SLC5A11: variants seen among roughly 807,000 people sequenced by gnomAD.
SLC5A11 encodes the protein solute carrier family 5 member 11.
A neutral mutation model predicts 69.8 loss-of-function variants in SLC5A11; 48 were observed. The ratio of observed to expected loss-of-function variants is 0.69; its 90% CI spans 0.55 to 0.87. The LOEUF (loss-of-function observed/expected upper bound fraction) is 0.87, where lower values mean the gene tolerates loss of function less well. Among genes scored for constraint, SLC5A11 ranks in the 40% least tolerant of loss-of-function variants. The pLI is 0.00. For missense variants in SLC5A11, 784 were observed against 866.1 expected (o/e 0.91, Z 1.19); for synonymous variants, 319 against 342.4 (o/e 0.93, Z 0.75).
intron 1 of SLC5A11, among the ~76,000 whole-genome samples, chr16:24,851,866 C>T (rs551069844): frequency 3.7e-4 from 57 of 152,240 alleles, no homozygotes; most frequent in African/African-American, 1.3e-3. Context: ...TTACACTTTA[C>T]GCTTTATCAC....
Position 24,884,090 on chromosome 16 carries a change from C to T in SLC5A11, c.623C>T (p.Thr208Met), listed in dbSNP as rs138777129. 9.1e-5 allele frequency: 147 copies of T among 1,614,094 alleles called. No homozygotes were observed. Among genetic ancestry groups the T allele is most frequent in the East Asian group, 6.7e-4 (30 of 44,874 alleles). Residue 208 changes from threonine (T) to methionine (M), a missense_variant, in exon 8 of 16, where the codon ACG (threonine) becomes ATG (methionine). Physicochemically the swap from Thr to Met is moderately conservative, Grantham distance 81 (BLOSUM62 -1). Coordinates refer to ENST00000347898, the Ensembl canonical transcript of SLC5A11. ...GTGATCTACACGGATGCCCTGCAGA[C>T]GCTGATCATGCTTATAGGAGCGCTC...
At chr16:24,858,820 A>G in intron 2 of SLC5A11, 42 bp downstream of exon 3, 1 of 1,592,828 alleles carries the variant, frequency 6.3e-7, no homozygotes, top group Non-Finnish European at 8.6e-7. Flanking sequence ...AGAGAGAAGG[A>G]AATGTCTGTT....
intron 2 of SLC5A11, among the ~76,000 whole-genome samples, chr16:24,860,351 G>A (rs2059713684): frequency 6.6e-6 from 1 of 152,116 alleles, no homozygotes; most frequent in Admixed American, 6.6e-5. Context: ...AGCTACTCAG[G>A]AGGCTAAGCC....
At chr16:24,901,181 T>C (rs1283633440) in intron 10 of SLC5A11, among the ~76,000 whole-genome samples, 1 of 152,226 alleles carries the variant, frequency 6.6e-6, no homozygotes, top group African/African-American at 2.4e-5. Context: ...AAGCAGCTCC[T>C]GGCACACAGT....
intron 1 of SLC5A11, among the ~76,000 whole-genome samples, chr16:24,854,360 T>A (rs1363896645): frequency 2.0e-5 from 3 of 152,120 alleles, no homozygotes; most frequent in African/African-American, 7.2e-5. Context: ...CCCAGCTTTG[T>A]CACTTGTCAG....
intron 1 of SLC5A11, among the ~76,000 whole-genome samples, chr16:24,849,339 G>A (rs531867170): frequency 8.6e-5 from 13 of 151,748 alleles, no homozygotes; most frequent in African/African-American, 1.7e-4. Flanking sequence ...AGGCCGAGGC[G>A]GGTGGATCAC....
At chr16:24,905,634 G>GCA (rs1188151929) in intron 10 of SLC5A11, among the ~76,000 whole-genome samples, 11 of 76,912 alleles carry the variant, frequency 1.4e-4, no homozygotes, top group African/African-American at 4.1e-4. Flanking sequence ...AAACACGCGC[G>GCA]CGCGCGCACA....
intron 8 of SLC5A11, among the ~76,000 whole-genome samples, chr16:24,884,345 T>C (rs925210550): frequency 6.6e-6 from 1 of 152,106 alleles, no homozygotes; most frequent in Admixed American, 6.6e-5. Flanking sequence ...TTGTTTTTTG[T>C]TCTGAGGCAG....
At chr16:24,904,599 G>A (rs2049879850) in intron 10 of SLC5A11, among the ~76,000 whole-genome samples, 1 of 151,948 alleles carries the variant, frequency 6.6e-6, no homozygotes, top group Non-Finnish European at 1.5e-5. Flanking sequence ...CCAGTTTCAG[G>A]GCCAAGCACT....
chr16:24,877,949 A>C (rs1179945775), intron 7 of SLC5A11, among the ~76,000 whole-genome samples: 1 of 151,854 alleles, frequency 6.6e-6, no homozygotes, highest in Non-Finnish European at 1.5e-5. Context: ...GCGCCACTGC[A>C]CTCCAGCCTG....
intron 3 of SLC5A11, among the ~76,000 whole-genome samples, chr16:24,864,952 G>A (rs564245055): frequency 1.3e-5 from 2 of 151,886 alleles, no homozygotes; most frequent in African/African-American, 4.8e-5. Context: ...AGATTATGAA[G>A]TCTGAGGAAC....
chr16:24,848,334 T>C (rs563258132), intron 1 of SLC5A11, among the ~76,000 whole-genome samples: 8 of 151,412 alleles, frequency 5.3e-5, no homozygotes, highest in Admixed American at 4.6e-4. Context: ...CAAGGCTGGG[T>C]GAGGTGGCTC....
At chr16:24,885,497 A>G (rs1416440738) in intron 8 of SLC5A11, among the ~76,000 whole-genome samples, 2 of 151,776 alleles carry the variant, frequency 1.3e-5, no homozygotes, top group Non-Finnish European at 2.9e-5. Flanking sequence ...ATAAACATAA[A>G]CTTACCCAGG....
At chr16:24,893,588 T>G (rs1379483674) in intron 9 of SLC5A11, among the ~76,000 whole-genome samples, 6 of 152,044 alleles carry the variant, frequency 3.9e-5, no homozygotes, top group African/African-American at 1.4e-4. Context: ...TTTTTAGTTT[T>G]GAGACAGAGT....
At chr16:24,862,161 C>G (rs568267500) in intron 2 of SLC5A11, 1 of 152,892 alleles carries the variant, frequency 6.5e-6, no homozygotes, top group Non-Finnish European at 1.5e-5. Flanking sequence ...ACATGAGCCT[C>G]GGTTTCTTCC....
intron 1 of SLC5A11, among the ~76,000 whole-genome samples, chr16:24,855,300 C>A (rs1433877350): frequency 6.6e-6 from 1 of 151,902 alleles, no homozygotes; most frequent in Non-Finnish European, 1.5e-5. Context: ...GGGATTAGCA[C>A]GTTTATAAAA....
chr16:24,898,250 C>CTTAGA, intron 10 of SLC5A11, 141 bp downstream of exon 11: 1 of 1,206,188 alleles, frequency 8.3e-7, no homozygotes, highest in Non-Finnish European at 1.1e-6. Flanking sequence ...CTCATTCTGT[C>CTTAGA]ATTCAGGTTG....
chr16:24,854,220 T>A (rs2059432683), intron 1 of SLC5A11, among the ~76,000 whole-genome samples: 1 of 152,064 alleles, frequency 6.6e-6, no homozygotes, highest in Non-Finnish European at 1.5e-5. Flanking sequence ...ACTCCCCAAT[T>A]CAGCATCAAC....
intron 5 of SLC5A11, among the ~76,000 whole-genome samples, chr16:24,873,826 A>T (rs1597101708): frequency 7.2e-6 from 1 of 138,174 alleles, no homozygotes; most frequent in Non-Finnish European, 1.5e-5. Flanking sequence ...AACTGGAGTA[A>T]TTTTTTTTTT....
Sources: allele counts gnomAD v4.1 joint callset (sites outside exome capture counted in the v4.1 genomes callset), GRCh38; gene constraint gnomAD v4.1.1; transcripts MANE v1.5; gene names NCBI Gene and HGNC (gene_info 2026-07-23, HGNC 2026-07-21).